The following NFIB variants were observed in gnomAD, a reference collection of about 807,000 sequenced individuals.
The protein encoded by NFIB is nuclear factor I B.
In NFIB, 11 loss-of-function variants were observed where a neutral mutation model predicts 61.5. The ratio of observed to expected loss-of-function variants is 0.18; its 90% CI spans 0.11 to 0.30. NFIB has a LOEUF of 0.30. Ranked by LOEUF, NFIB falls within the 10% of genes least tolerant of loss-of-function variation. The pLI is 1.00. For synonymous variants in NFIB, 260 were observed against 216.5 expected (o/e 1.20, Z -1.76); for missense variants, 471 against 608.9 (o/e 0.77, Z 2.38).
At chr9:14,390,249 A>G (rs1302310748) in intron 1 of NFIB, among the ~76,000 whole-genome samples, 1 of 152,206 alleles carries the variant, frequency 6.6e-6, no homozygotes, top group African/African-American at 2.4e-5. Context: ...TTTCTAAGGC[A>G]TGACCTTGGG....
chr9:14,255,551 C>G (rs1429298717), intron 2 of NFIB, among the ~76,000 whole-genome samples: 1 of 152,088 alleles, frequency 6.6e-6, no homozygotes, highest in Non-Finnish European at 1.5e-5. Flanking sequence ...CAGATATGGG[C>G]TGGTAAGAAT....
At chr9:14,368,707 G>T (rs2061328210) in intron 1 of NFIB, among the ~76,000 whole-genome samples, 1 of 152,146 alleles carries the variant, frequency 6.6e-6, no homozygotes, top group Admixed American at 6.5e-5. Context: ...AATTTAACTG[G>T]CATCTTCTTT....
chr9:14,117,736 T>C (rs551057743), intron 8 of NFIB, among the ~76,000 whole-genome samples: 5 of 152,190 alleles, frequency 3.3e-5, no homozygotes, highest in South Asian at 4.1e-4. Context: ...GTCAGGAAAA[T>C]TGACCAGAGT....
In NFIB at chr9:14,085,214, T is replaced by C. The variant is rs2032662425; in HGVS notation, c.*3095A>G. 2 of 228,566 alleles carry C rather than the reference T, an allele frequency of 8.8e-6. No individual in the cohort carries two copies. The highest frequency in any genetic ancestry group is 5.7e-5 in the Admixed American group (1 of 17,606). The allele number at this position is 228,566 out of a possible 1,614,324, so 14.2% of individuals were successfully genotyped here. ...ACAATTCTCCAGCCCATAAGCATTG[T>C]TCTAAAGTATTCATTATTAAATGAT... is the stretch of plus-strand genomic sequence containing the variant. On this transcript the variant is annotated 3_prime_UTR_variant, in exon 11 of 11. Coordinates refer to ENST00000380953, the MANE Select transcript of NFIB (RefSeq NM_001190737.2).
intron 3 of NFIB, among the ~76,000 whole-genome samples, chr9:14,177,211 C>A (rs1163936372): frequency 6.6e-6 from 1 of 151,938 alleles, no homozygotes; most frequent in Non-Finnish European, 1.5e-5. Context: ...ATATTTTGGC[C>A]AAGGCAAGAA....
the NFIB span, among the ~76,000 whole-genome samples, chr9:14,472,030 A>C: frequency 1.3e-5 from 2 of 152,116 alleles, no homozygotes; most frequent in Non-Finnish European, 2.9e-5. Context: ...TGCCCTTGGC[A>C]CTCCTGTAAT....
the NFIB span, among the ~76,000 whole-genome samples, chr9:14,518,718 T>C: frequency 1.3e-5 from 2 of 151,920 alleles, no homozygotes. Context: ...GCTGAAGAAC[T>C]ACTCCCTCCT....
At chr9:14,205,100 A>G (rs1225645601) in intron 2 of NFIB, 1 of 166,202 alleles carries the variant, frequency 6.0e-6, no homozygotes, top group African/African-American at 2.5e-5. Context: ...CCTTCAAAAA[A>G]CATCTGAGGA....
chr9:14,097,875 C>CTTTTTTTTTT (rs71321962), intron 10 of NFIB, among the ~76,000 whole-genome samples: 25 of 110,874 alleles, frequency 2.3e-4, no homozygotes, highest in South Asian at 7.0e-4. Context: ...TTTCTTTTTT[C>CTTTTTTTTTT]TTTTTTTTTT....
the NFIB span, among the ~76,000 whole-genome samples, chr9:14,464,317 G>GT: frequency 2.6e-4 from 39 of 152,272 alleles, no homozygotes; most frequent in Non-Finnish European, 4.4e-5. Context: ...AATGAAGGAG[G>GT]TACAGAGACC....
intron 3 of NFIB, among the ~76,000 whole-genome samples, chr9:14,177,145 T>A (rs1255575755): frequency 6.6e-6 from 1 of 152,190 alleles, no homozygotes; most frequent in Non-Finnish European, 1.5e-5. Flanking sequence ...AGACTGAATT[T>A]TCTCATACAT....
At position 14,187,005 on chromosome 9, in the gene NFIB, CTGTGTGTGTGTGTGTGTGTGTA is replaced by C. The variant is rs754095714; in HGVS notation, c.563-7247_563-7226del. ...TCTCTCCCTCCTTCATTCTTCGCTC[CTGTGTGTGTGTGTGTGTGTGTA>C]TGTGTGTGTGTGTGTGTGTGTGTGT... On this transcript the variant is annotated intron_variant, in intron 2 of 10. Coordinates refer to ENST00000380953, the MANE Select transcript of NFIB (RefSeq NM_001190737.2). Among the ~76,000 whole-genome samples the C allele has an allele frequency of 5.7e-3, 368 of 64,134 alleles. 3 individuals are homozygous for C. Among genetic ancestry groups the C allele is most frequent in the Admixed American group, 0.011 (68 of 6,072 alleles). The allele number at this position is 64,134 out of a possible 152,430, so 42.1% of individuals were successfully genotyped here.
At position 14,276,297 on chromosome 9, in the gene NFIB, G is replaced by A. The variant is rs73645037; in HGVS notation, c.562+30692C>T. ...ATCCTATTTTCTCAATTGTAAAATGGAAACAATATCTTATCCAATTGAAAT... is the reference window on the plus strand; with the variant it reads ...ATCCTATTTTCTCAATTGTAAAATGAAAACAATATCTTATCCAATTGAAAT... On this transcript the variant is annotated intron_variant, in intron 2 of 10. Transcript: ENST00000380953. Among the ~76,000 whole-genome samples the A allele has an allele frequency of 5.6e-3, 850 of 152,202 alleles. 12 individuals carry two copies. Among genetic ancestry groups the A allele is most frequent in the African/African-American group, 0.019 (786 of 41,542 alleles).
intron 1 of NFIB, among the ~76,000 whole-genome samples, chr9:14,347,914 A>G (rs982042940): frequency 6.6e-6 from 1 of 152,010 alleles, no homozygotes; most frequent in Non-Finnish European, 1.5e-5. Flanking sequence ...GGAGCTTTGG[A>G]GCGACGCGCG....
chr9:14,341,375 G>C (rs2060948160), intron 1 of NFIB, among the ~76,000 whole-genome samples: 1 of 152,208 alleles, frequency 6.6e-6, no homozygotes, highest in Non-Finnish European at 1.5e-5. Flanking sequence ...GTAGTTTACA[G>C]AAAGGAGCCA....
intron 1 of NFIB, among the ~76,000 whole-genome samples, chr9:14,392,208 G>A (rs1331129579): frequency 6.6e-6 from 1 of 152,164 alleles, no homozygotes; most frequent in Non-Finnish European, 1.5e-5. Context: ...TGGCATCCTG[G>A]ATGTGACCCT....
intron 1 of NFIB, among the ~76,000 whole-genome samples, chr9:14,337,955 GA>G (rs1564016558): frequency 6.6e-6 from 1 of 152,062 alleles, no homozygotes. Flanking sequence ...AATTACATTA[GA>G]CTGGGCAGTA....
the NFIB span, among the ~76,000 whole-genome samples, chr9:14,456,707 C>G: frequency 3.2e-3 from 488 of 152,214 alleles, 4 homozygotes; most frequent in Middle Eastern, 0.01. Context: ...TTTGATAGCA[C>G]ATTATGTTGG....
chr9:14,413,279 C>A, the NFIB span, among the ~76,000 whole-genome samples: 1 of 152,134 alleles, frequency 6.6e-6, no homozygotes, highest in African/African-American at 2.4e-5. Context: ...CAGTATCAGG[C>A]ATATTTAAAT....
Sources: allele counts gnomAD v4.1 joint callset (sites outside exome capture counted in the v4.1 genomes callset), GRCh38; gene constraint gnomAD v4.1.1; transcripts MANE v1.5; gene names NCBI Gene and HGNC (gene_info 2026-07-23, HGNC 2026-07-21).